Variants in LPCAT1 observed in about 807,000 individuals in gnomAD.
The protein encoded by LPCAT1 is lysophosphatidylcholine acyltransferase 1.
In LPCAT1, 23 loss-of-function variants were observed where a neutral mutation model predicts 60.9. The ratio of observed to expected loss-of-function variants is 0.38; its 90% CI spans 0.27 to 0.53. LPCAT1 has a LOEUF of 0.53. Among genes scored for constraint, LPCAT1 ranks in the 20% least tolerant of loss-of-function variants. LPCAT1 has a pLI of 0.82. For missense variants in LPCAT1, 622 were observed against 723.6 expected, an observed-to-expected ratio of 0.86 and a Z score of 1.61; for synonymous variants, 340 against 301.1, an observed-to-expected ratio of 1.13 and a Z score of -1.34.
At chr5:1,471,079 C>T (rs765655656) in intron 11 of LPCAT1, among the ~76,000 whole-genome samples, 155 bp from the exon 12 acceptor site, 3 of 152,200 alleles carry the variant, frequency 2.0e-5, no homozygotes, top group Non-Finnish European at 4.4e-5. Flanking sequence ...AAGGACATTC[C>T]ACCAAGTGGG....
At chr5:1,484,714 C>T (rs1056329018) in intron 5 of LPCAT1, among the ~76,000 whole-genome samples, 7 of 152,240 alleles carry the variant, frequency 4.6e-5, no homozygotes, top group Non-Finnish European at 1.5e-5. Flanking sequence ...AAACCTCGAG[C>T]TGACCGCCCA....
chr5:1,472,270 AGAG>A (rs1240207481), intron 11 of LPCAT1, among the ~76,000 whole-genome samples: 5 of 152,046 alleles, frequency 3.3e-5, no homozygotes, highest in African/African-American at 1.2e-4. Context: ...ACCCAGGGGC[AGAG>A]GGAGGACTTT....
chr5:1,491,473 C>T (rs1014970722), intron 3 of LPCAT1, among the ~76,000 whole-genome samples: 3 of 149,220 alleles, frequency 2.0e-5, no homozygotes, highest in African/African-American at 7.5e-5. Flanking sequence ...GCGTTTCACA[C>T]TCAGATGGGT....
At chr5:1,506,924 C>T (rs1311366010) in intron 1 of LPCAT1, among the ~76,000 whole-genome samples, 1 of 152,226 alleles carries the variant, frequency 6.6e-6, no homozygotes, top group Non-Finnish European at 1.5e-5. Flanking sequence ...AGCACCCTGG[C>T]TCAGAGGCTT....
Position 1,502,266 on chromosome 5 carries a change from C to A in LPCAT1, c.136-663G>T, listed in dbSNP as rs28419764. ...ACGCACCCCCAGGCAGCTCCGCCCC[C>A]CAGGACACACCCCCAGCCCCGCAGG... On this transcript the variant is annotated intron_variant, in intron 1 of 13. Transcript: ENST00000283415. This position sits in a 1 kb window ranked among gnomAD's most constrained non-coding sequence, Gnocchi z 5.5. Among the ~76,000 whole-genome samples the A allele has an allele frequency of 5.9e-5, 9 of 151,894 alleles. No individual in the cohort carries two copies. Among genetic ancestry groups the A allele is most frequent in the African/African-American group, 7.3e-5 (3 of 41,316 alleles).
At chr5:1,479,123 T>C (rs1735030776) in intron 8 of LPCAT1, among the ~76,000 whole-genome samples, 1 of 152,166 alleles carries the variant, frequency 6.6e-6, no homozygotes, top group Non-Finnish European at 1.5e-5. Flanking sequence ...CAGCTGGGTG[T>C]GGTAGTTCAC....
At chr5:1,478,107 C>T (rs1734997572) in intron 8 of LPCAT1, among the ~76,000 whole-genome samples, 1 of 152,280 alleles carries the variant, frequency 6.6e-6, no homozygotes, top group African/African-American at 2.4e-5. Flanking sequence ...ACATTTGGAA[C>T]AGATTATTGG....
In LPCAT1 at chr5:1,496,913, T is replaced by G. The variant is rs1365111688; in HGVS notation, c.279-1999A>C. Among the ~76,000 whole-genome samples, 3 of 152,108 alleles carry G rather than the reference T, an allele frequency of 2.0e-5. No individual in the cohort carries two copies. Among genetic ancestry groups the G allele is most frequent in the African/African-American group, 7.2e-5 (3 of 41,422 alleles). ...CCTGGGCAGCCCATTCCCAGGGGAA[T>G]GTGAATCAGGAGACAGATCTATCTG... is the stretch of plus-strand genomic sequence containing the variant. On this transcript the variant is annotated intron_variant, in intron 2 of 13. Coordinates refer to ENST00000283415, the MANE Select transcript of LPCAT1 (RefSeq NM_024830.5). The surrounding 1 kb of genome is among the most constrained non-coding windows in gnomAD (Gnocchi z 4.7).
chr5:1,516,407 C>T (rs1286785232), intron 1 of LPCAT1, among the ~76,000 whole-genome samples: 1 of 152,182 alleles, frequency 6.6e-6, no homozygotes, highest in Admixed American at 6.5e-5. Flanking sequence ...GATCTAACCC[C>T]TCCAGGGTAG....
At chr5:1,505,905 C>G (rs1736173399) in intron 1 of LPCAT1, among the ~76,000 whole-genome samples, 1 of 152,274 alleles carries the variant, frequency 6.6e-6, no homozygotes, top group South Asian at 2.1e-4. Flanking sequence ...ACGCTCCCCA[C>G]CAGTCAGTGC....
chr5:1,483,616 C>A lies in LPCAT1; in HGVS notation c.668-130G>T. On this transcript the variant is annotated intron_variant, in intron 5 of 13. Coordinates refer to ENST00000283415, the MANE Select transcript of LPCAT1 (RefSeq NM_024830.5). The surrounding 1 kb of genome is among the most constrained non-coding windows in gnomAD (Gnocchi z 9.2). ...GGCCTTCCTGGTCAGCAAGGGCACT[C>A]CATGCCTGGACTATCTCAACATCTG... The A allele has an allele frequency of 1.2e-6, 1 of 827,572 alleles. No individual in the cohort carries two copies. Among genetic ancestry groups the A allele is most frequent in the East Asian group, 2.5e-5 (1 of 40,042 alleles). 51.3% of individuals were successfully genotyped at this position (827,572 alleles called of 1,614,324 possible).
chr5:1,463,948 G>T, intron 13 of LPCAT1, 113 bp from the exon 14 acceptor site: 2 of 1,052,844 alleles, frequency 1.9e-6, no homozygotes, highest in Non-Finnish European at 1.4e-6. Flanking sequence ...CTCCAGGGAG[G>T]GTTAGAATCG....
At chr5:1,504,716 A>C (rs1237607178) in intron 1 of LPCAT1, among the ~76,000 whole-genome samples, 2 of 145,928 alleles carry the variant, frequency 1.4e-5, no homozygotes, top group African/African-American at 5.3e-5. Flanking sequence ...CTCCGTCCCA[A>C]AAAAAAAAAA....
Position 1,468,665 on chromosome 5 carries a change from G to C in LPCAT1, c.1279-1775C>G, listed in dbSNP as rs535539151. Among the ~76,000 whole-genome samples, 5 of 152,334 alleles carry C rather than the reference G, an allele frequency of 3.3e-5. No homozygotes were observed. In the South Asian group the frequency reaches 8.3e-4, roughly 25 times the overall value. The stretch of plus-strand genomic sequence containing the variant: ...AAGTTTTACCAGGGCCACATCTTAA[G>C]GTTTTACACAGTAATGATAACGAAA... On this transcript the variant is annotated intron_variant, in intron 12 of 13. Coordinates refer to ENST00000283415, the MANE Select transcript of LPCAT1 (RefSeq NM_024830.5).
At chr5:1,466,534 C>T (rs372728010) in intron 13 of LPCAT1, among the ~76,000 whole-genome samples, 1 of 152,190 alleles carries the variant, frequency 6.6e-6, no homozygotes, top group Non-Finnish European at 1.5e-5. Context: ...TTGTATAAAT[C>T]GCCAAAACAA....
intron 1 of LPCAT1, among the ~76,000 whole-genome samples, chr5:1,518,561 C>T (rs536690757): frequency 4.6e-5 from 7 of 152,322 alleles, no homozygotes; most frequent in African/African-American, 1.4e-4. Flanking sequence ...AGGATGGTCT[C>T]GATCTCCCGA....
intron 11 of LPCAT1, among the ~76,000 whole-genome samples, chr5:1,472,997 C>T (rs971511189): frequency 6.6e-6 from 1 of 151,966 alleles, no homozygotes; most frequent in Non-Finnish European, 1.5e-5. Flanking sequence ...TCTTCTCTTG[C>T]TCTCTCCAAC....
rs577677920 is a variant in LPCAT1 at position 1,490,432 on chromosome 5, G to A, written c.494-574C>T. ...GAGGGTCCCTATGGGAAGAGGAGAC[G>A]AAGAGGGGGAGAGAAGGCCAATGAT... On this transcript the variant is annotated intron_variant, in intron 3 of 13. Coordinates refer to ENST00000283415, the MANE Select transcript of LPCAT1 (RefSeq NM_024830.5). 2.6e-4 allele frequency among the ~76,000 whole-genome samples: 39 copies of A among 152,312 alleles called. No homozygotes were observed. The East Asian group carries it at 6.8e-3, about 26-fold the overall frequency.
rs1021454603 is a variant in LPCAT1 at position 1,521,920 on chromosome 5, C to G, written c.135+1790G>C. ...ACCCATGAGAGTCTCTGCCCTGCTT[C>G]TCGCCAGGGCAGTGGGTGCACACTT... On this transcript the variant is annotated intron_variant, in intron 1 of 13. Coordinates refer to ENST00000283415, the MANE Select transcript of LPCAT1 (RefSeq NM_024830.5). This position sits in a 1 kb window ranked among gnomAD's most constrained non-coding sequence, Gnocchi z 4.3. Among the ~76,000 whole-genome samples the G allele has an allele frequency of 2.0e-5, 3 of 152,222 alleles. No individual in the cohort carries two copies. The highest frequency in any genetic ancestry group is 7.2e-5 in the African/African-American group (3 of 41,456).
Sources: allele counts gnomAD v4.1 joint callset (sites outside exome capture counted in the v4.1 genomes callset), GRCh38; gene constraint gnomAD v4.1.1; non-coding constraint Gnocchi (gnomAD v3.1); transcripts MANE v1.5; gene names NCBI Gene and HGNC (gene_info 2026-07-23, HGNC 2026-07-21).